Variants in ME1 observed in about 807,000 individuals in gnomAD.
ME1 encodes the protein malic enzyme 1, also known as NADP-dependent malic enzyme.
Under a neutral mutation model 66.4 loss-of-function variants are expected in ME1, and 74 were observed. The observed-to-expected ratio is 1.11, with a 90% CI of 0.92 to 1.35. The LOEUF is 1.35. Ranked by LOEUF, ME1 falls within the 40% of genes most tolerant of loss-of-function variation. The pLI, the probability that ME1 is intolerant of heterozygous loss-of-function variation, is 0.00. For synonymous variants in ME1, 251 were observed against 235.6 expected (o/e 1.07, Z -0.60); for missense variants, 750 against 694.1 (o/e 1.08, Z -0.90).
intron 3 of ME1, among the ~76,000 whole-genome samples, chr6:83,386,904 C>T (rs1014684777): frequency 1.1e-4 from 17 of 152,156 alleles, no homozygotes; most frequent in East Asian, 1.9e-4. Flanking sequence ...AAAGCAACCA[C>T]GCTGACACCC....
At chr6:83,309,729 T>C (rs1051089261) in intron 6 of ME1, among the ~76,000 whole-genome samples, 1 of 151,952 alleles carries the variant, frequency 6.6e-6, no homozygotes, top group African/African-American at 2.4e-5. Context: ...GAAGTGGAGA[T>C]TAATAGCAAA....
chr6:83,222,941 T>C (rs921911063), intron 12 of ME1, among the ~76,000 whole-genome samples: 8 of 152,184 alleles, frequency 5.3e-5, no homozygotes, highest in Non-Finnish European at 7.3e-5. Context: ...TCCTATTCTT[T>C]TAATGATTTT....
chr6:83,368,389 T>C (rs759439370), intron 3 of ME1, among the ~76,000 whole-genome samples: 1 of 151,424 alleles, frequency 6.6e-6, no homozygotes, highest in East Asian at 1.9e-4. Context: ...AAAAAAAAAT[T>C]ATCTGCAAAG....
intron 3 of ME1, among the ~76,000 whole-genome samples, chr6:83,386,637 T>C (rs536211557): frequency 8.6e-5 from 13 of 152,032 alleles, no homozygotes; most frequent in African/African-American, 2.7e-4. Context: ...TACATTATAA[T>C]TGTCAAATAA....
chr6:83,262,357 A>T (rs916450560), intron 6 of ME1, among the ~76,000 whole-genome samples: 1 of 152,208 alleles, frequency 6.6e-6, no homozygotes, highest in Non-Finnish European at 1.5e-5. Context: ...TATGCCTAAA[A>T]TGCCTTCATA....
At chr6:83,355,202 T>C (rs1245329883) in intron 3 of ME1, among the ~76,000 whole-genome samples, 1 of 152,188 alleles carries the variant, frequency 6.6e-6, no homozygotes, top group Admixed American at 6.5e-5. Context: ...TTTTGAACTT[T>C]TTAAAGAAGG....
intron 1 of ME1, among the ~76,000 whole-genome samples, chr6:83,416,128 C>G (rs1452468403): frequency 6.6e-6 from 1 of 152,008 alleles, no homozygotes; most frequent in Non-Finnish European, 1.5e-5. Context: ...GGAGATTTGC[C>G]TCAATTATTG....
intron 6 of ME1, among the ~76,000 whole-genome samples, chr6:83,308,951 G>C (rs1767878277): frequency 6.6e-6 from 1 of 152,056 alleles, no homozygotes; most frequent in Non-Finnish European, 1.5e-5. Context: ...ACTGGGCAGA[G>C]GCAGGTATGG....
intron 1 of ME1, among the ~76,000 whole-genome samples, chr6:83,409,127 C>T (rs1039330645): frequency 1.3e-5 from 2 of 152,178 alleles, no homozygotes; most frequent in African/African-American, 4.8e-5. Flanking sequence ...AGACCCCTCA[C>T]CAAACACCAA....
chr6:83,355,300 A>G (rs956883976), intron 3 of ME1, among the ~76,000 whole-genome samples: 1 of 152,206 alleles, frequency 6.6e-6, no homozygotes, highest in African/African-American at 2.4e-5. Flanking sequence ...ATTTTGTTAC[A>G]TGCATAGCTT....
At chr6:83,372,938 TA>T (rs1173109854) in intron 3 of ME1, among the ~76,000 whole-genome samples, 1 of 152,160 alleles carries the variant, frequency 6.6e-6, no homozygotes, top group Non-Finnish European at 1.5e-5. Flanking sequence ...ACAGCTGAAA[TA>T]AGTAAATGTT....
chr6:83,218,308 T>C (rs986431639), intron 12 of ME1, among the ~76,000 whole-genome samples: 2 of 152,178 alleles, frequency 1.3e-5, no homozygotes, highest in African/African-American at 4.8e-5. Flanking sequence ...TGGTTTGGCC[T>C]ACTGGGTAAT....
chr6:83,362,607 A>C (rs1428948266), intron 3 of ME1, among the ~76,000 whole-genome samples: 1 of 152,194 alleles, frequency 6.6e-6, no homozygotes, highest in Non-Finnish European at 1.5e-5. Context: ...AGAGACCAAC[A>C]CTGAGCCCTC....
chr6:83,344,969 T>G (rs2128543640), intron 5 of ME1, among the ~76,000 whole-genome samples: 1 of 152,000 alleles, frequency 6.6e-6, no homozygotes, highest in East Asian at 1.9e-4. Context: ...AATATATTTT[T>G]AAAATAAAGA....
In ME1 at chr6:83,317,017, A is replaced by C. The variant is rs546783355; in HGVS notation, c.601-1604T>G. 3.3e-5 allele frequency among the ~76,000 whole-genome samples: 5 copies of C among 152,324 alleles called. No homozygotes were observed. The East Asian group carries it at 9.6e-4, about 29-fold the overall frequency. On this transcript the variant is annotated intron_variant, in intron 5 of 13. Transcript: ENST00000369705. ...ACCTAGAATAGAGAAAATTGAAATA[A>C]TGAATTTGTGAATCTGGCTAATGAG...
chr6:83,240,234 T>C (rs951593555), intron 7 of ME1, among the ~76,000 whole-genome samples: 4 of 152,004 alleles, frequency 2.6e-5, no homozygotes, highest in African/African-American at 9.7e-5. Context: ...ACACAAATAG[T>C]AAATTCTTGC....
intron 3 of ME1, among the ~76,000 whole-genome samples, chr6:83,361,355 G>A (rs1445242626): frequency 3.3e-5 from 5 of 152,160 alleles, no homozygotes; most frequent in Non-Finnish European, 4.4e-5. Flanking sequence ...CTAGTAGGCC[G>A]ATTTGATTTG....
intron 6 of ME1, among the ~76,000 whole-genome samples, chr6:83,297,451 A>G (rs985470103): frequency 5.3e-5 from 8 of 152,212 alleles, no homozygotes; most frequent in African/African-American, 1.9e-4. Context: ...CAGAACTAGA[A>G]AAGGCTATTG....
chr6:83,387,968 T>C (rs1769543683), intron 3 of ME1, among the ~76,000 whole-genome samples: 1 of 152,158 alleles, frequency 6.6e-6, no homozygotes, highest in Admixed American at 6.6e-5. Context: ...CAGATCCATA[T>C]ATTTAATTGA....
Sources: gnomAD v4.1 joint callset for allele counts (sites outside exome capture counted in the v4.1 genomes callset) on GRCh38, gnomAD v4.1.1 for gene constraint, MANE v1.5 for transcripts, NCBI Gene and HGNC (gene_info 2026-07-23, HGNC 2026-07-21) for gene names.